Variants in CLSTN1 observed in about 807,000 individuals in gnomAD.
The protein encoded by CLSTN1 is calsyntenin-1.
CLSTN1 carries 28 observed loss-of-function variants against 108.3 expected under a neutral mutation model. That is an observed-to-expected ratio of 0.26 (90% CI 0.19 to 0.35). The LOEUF (loss-of-function observed/expected upper bound fraction) is 0.35. CLSTN1 is among the 10% of genes least tolerant of loss of function. CLSTN1 has a pLI of 1.00. For synonymous variants in CLSTN1, 524 were observed against 534.9 expected (o/e 0.98, Z 0.28); for missense variants, 1,157 against 1,302.6 (o/e 0.89, Z 1.72).
chr1:9,750,803 C>A (rs560114683), intron 5 of CLSTN1, among the ~76,000 whole-genome samples: 22 of 150,786 alleles, frequency 1.5e-4, no homozygotes, highest in Non-Finnish European at 3.2e-4. Flanking sequence ...GTAATCCCAG[C>A]ACTTTGGGAG....
rs74751459 is a variant in CLSTN1, at chr1:9,808,602, G to A, written c.91+15041C>T. On this transcript the variant is annotated intron_variant, in intron 1 of 18. Coordinates refer to ENST00000377298, the MANE Select transcript of CLSTN1 (RefSeq NM_001009566.3). ...GGCAGTTTGCCAGTAATTACTAGAC[G>A]ATCCCATGAGCGGAGGTAGTCAGGA... Among the ~76,000 whole-genome samples the A allele has an allele frequency of 5.9e-5, 9 of 152,170 alleles. No individual in the cohort carries two copies. The South Asian group carries it at 1.7e-3, about 28-fold the overall frequency.
chr1:9,744,623 C>T lies in CLSTN1; in HGVS notation c.1006G>A (p.Glu336Lys), dbSNP rs778720820. Residue 336 changes from glutamate to lysine, a missense_variant, in exon 8 of 19, where the codon GAG becomes AAG. By Grantham distance (56) the Glu-to-Lys change is moderately conservative. Coordinates refer to ENST00000377298, the MANE Select transcript of CLSTN1 (RefSeq NM_001009566.3). Reference protein sequence around the residue: ...RLCGAAAGTAELLPSPSGSLN... With the variant: ...RLCGAAAGTAKLLPSPSGSLN... Reference sequence around the variant, plus strand: ...GATCCACTCGGGGATGGCAGCAGCTCGGCAGTGCCCGCGGCCGCACCTGAA... The same window carrying T: ...GATCCACTCGGGGATGGCAGCAGCTTGGCAGTGCCCGCGGCCGCACCTGAA... The T allele has an allele frequency of 2.5e-6, 4 of 1,611,466 alleles. No individual in the cohort carries two copies. Among genetic ancestry groups the T allele is most frequent in the Non-Finnish European group, 2.5e-6 (3 of 1,179,790 alleles).
chr1:9,766,347 C>T (rs1652330955), intron 2 of CLSTN1, among the ~76,000 whole-genome samples: 2 of 152,082 alleles, frequency 1.3e-5, no homozygotes, highest in South Asian at 4.1e-4. Context: ...TGGTAACTCT[C>T]CACGAAATAT....
intron 1 of CLSTN1, among the ~76,000 whole-genome samples, chr1:9,795,711 T>C (rs779593036): frequency 2.0e-5 from 3 of 151,276 alleles, no homozygotes; most frequent in Non-Finnish European, 4.4e-5. Context: ...CCCAGCACTT[T>C]GGGGAGGCCA....
chr1:9,811,731 CAAAAAAAAA>C (rs34337087), intron 1 of CLSTN1, among the ~76,000 whole-genome samples: 3 of 78,844 alleles, frequency 3.8e-5, no homozygotes, highest in Non-Finnish European at 1.1e-4. Flanking sequence ...AAATGCATGG[CAAAAAAAAA>C]AAAAAAAAGA....
chr1:9,733,991 T>A lies in CLSTN1; in HGVS notation c.2262A>T (p.Glu754Asp). 1 of 1,613,958 alleles carries A rather than the reference T, an allele frequency of 6.2e-7. No homozygotes were observed. The highest frequency in any genetic ancestry group is 8.5e-7 in the Non-Finnish European group (1 of 1,179,966). Residue 754 changes from glutamate to aspartate, a missense_variant, in exon 15 of 19, where the codon GAA becomes GAT. Transcript: ENST00000377298. ...QQKGIEVSSS[E>D]LGMTFTGVDT... ...CCTTACCTGTGAAGGTCATGCCCAGTTCAGAGCTGCTCACTTCAATGCCCT... is the reference window on the plus strand; with the variant it reads ...CCTTACCTGTGAAGGTCATGCCCAGATCAGAGCTGCTCACTTCAATGCCCT...
At chr1:9,762,415 C>T (rs1471559663) in intron 2 of CLSTN1, among the ~76,000 whole-genome samples, 4 of 151,452 alleles carry the variant, frequency 2.6e-5, no homozygotes, top group South Asian at 2.1e-4. Flanking sequence ...GAGCCGAGAT[C>T]ACGCCACTGC....
intron 1 of CLSTN1, among the ~76,000 whole-genome samples, chr1:9,776,889 TC>T (rs1259860436): frequency 2.0e-5 from 3 of 151,112 alleles, no homozygotes; most frequent in African/African-American, 7.3e-5. Context: ...TATCTATCTA[TC>T]TATCTATCTA....
intron 18 of CLSTN1, 159 bp downstream of exon 18, chr1:9,731,047 C>G: frequency 1.2e-6 from 1 of 823,040 alleles, no homozygotes; most frequent in Admixed American, 2.2e-5. Flanking sequence ...AGGTCTCTCT[C>G]AGCCTCGGTT....
intron 7 of CLSTN1, among the ~76,000 whole-genome samples, chr1:9,745,370 G>A (rs1175713319): frequency 6.6e-6 from 1 of 152,138 alleles, no homozygotes; most frequent in South Asian, 2.1e-4. Flanking sequence ...GAAAAATGGA[G>A]TCCTGGCAGG....
rs200072176 is a variant in CLSTN1 at position 9,755,199 on chromosome 1, C to T, written c.355G>A (p.Glu119Lys). Residue 119 changes from glutamate (E) to lysine (K), a missense_variant, in exon 4 of 19, where the codon GAG becomes AAG. By Grantham distance (56) the Glu-to-Lys change is moderately conservative. Transcript: ENST00000377298. ...VIRSKEKLDC[E>K]LQKDYSFTIQ... ...GTGAATGAATAGTCTTTCTGCAGCTCACAGTCCAGTTTCTCTTTGGAGCGA... is the reference window on the plus strand; with the variant it reads ...GTGAATGAATAGTCTTTCTGCAGCTTACAGTCCAGTTTCTCTTTGGAGCGA... 5.1e-5 allele frequency: 82 copies of T among 1,614,042 alleles called. No individual in the cohort carries two copies. The Middle Eastern group carries it at 8.2e-4, about 16-fold the overall frequency.
At chr1:9,739,961 C>T (rs905722667) in intron 10 of CLSTN1, among the ~76,000 whole-genome samples, 8 of 151,994 alleles carry the variant, frequency 5.3e-5, no homozygotes, top group African/African-American at 1.9e-4. Flanking sequence ...GGACCACAGG[C>T]ACCCGCCACC....
chr1:9,812,613 G>C (rs111515093), intron 1 of CLSTN1, among the ~76,000 whole-genome samples: 1 of 152,098 alleles, frequency 6.6e-6, no homozygotes. Flanking sequence ...TTGGGAGGCC[G>C]AGGCGGGCAG....
intron 17 of CLSTN1, among the ~76,000 whole-genome samples, 160 bp downstream of exon 17, chr1:9,731,601 G>T (rs1407715870): frequency 5.9e-5 from 9 of 152,244 alleles, no homozygotes; most frequent in Admixed American, 5.9e-4. Context: ...GACATCATCT[G>T]CCCTCTTCGA....
chr1:9,820,339 T>G (rs771510367), intron 1 of CLSTN1, among the ~76,000 whole-genome samples: 3 of 152,024 alleles, frequency 2.0e-5, no homozygotes, highest in Non-Finnish European at 2.9e-5. Context: ...GCCAACATGG[T>G]GAAACCCTGT....
intron 5 of CLSTN1, 109 bp downstream of exon 5, chr1:9,751,364 A>T: frequency 9.8e-7 from 1 of 1,021,596 alleles, no homozygotes; most frequent in Non-Finnish European, 1.5e-6. Context: ...TAGGTCTCCA[A>T]CTTGTGAGTT....
chr1:9,753,463 G>A (rs143054527), intron 4 of CLSTN1, among the ~76,000 whole-genome samples: 196 of 152,062 alleles, frequency 1.3e-3, no homozygotes, highest in African/African-American at 4.3e-3. Flanking sequence ...TTGTGGCAGC[G>A]AGCCAGCCTA....
intron 2 of CLSTN1, among the ~76,000 whole-genome samples, chr1:9,772,969 G>T (rs1652762280): frequency 6.6e-6 from 1 of 152,166 alleles, no homozygotes. Flanking sequence ...ACATTCCTCA[G>T]GTACTCCGTG....
At chr1:9,782,866 G>A (rs960118410) in intron 1 of CLSTN1, among the ~76,000 whole-genome samples, 1 of 152,212 alleles carries the variant, frequency 6.6e-6, no homozygotes, top group African/African-American at 2.4e-5. Context: ...AATTAGCCGG[G>A]CGTGGTGGCA....
Sources: allele counts gnomAD v4.1 joint callset (sites outside exome capture counted in the v4.1 genomes callset), GRCh38; gene constraint gnomAD v4.1.1; transcripts MANE v1.5; gene names NCBI Gene and HGNC (gene_info 2026-07-23, HGNC 2026-07-21).